The following MYOT variants were observed in gnomAD, a reference collection of about 807,000 sequenced individuals.
MYOT encodes the protein myotilin.
In MYOT, 36 loss-of-function variants were observed where a neutral mutation model predicts 58.0. The ratio of observed to expected loss-of-function variants is 0.62; its 90% CI spans 0.48 to 0.82. The LOEUF (loss-of-function observed/expected upper bound fraction) is 0.82, where lower values mean the gene tolerates loss of function less well. Ranked by LOEUF, MYOT falls within the 40% of genes least tolerant of loss-of-function variation. The pLI is 0.00. For synonymous variants in MYOT, 218 were observed against 204.6 expected (o/e 1.07, Z -0.56); for missense variants, 505 against 592.1 (o/e 0.85, Z 1.53).
At chr5:137,878,484 C>T (rs2149983909) in intron 4 of MYOT, among the ~76,000 whole-genome samples, 1 of 152,250 alleles carries the variant, frequency 6.6e-6, no homozygotes, top group South Asian at 2.1e-4. Flanking sequence ...GCCACCACGC[C>T]TGGCCTCAAC....
intron 4 of MYOT, among the ~76,000 whole-genome samples, chr5:137,878,621 G>A (rs1020520434): frequency 6.6e-6 from 1 of 152,000 alleles, no homozygotes; most frequent in Admixed American, 6.6e-5. Flanking sequence ...TCAAGAGATC[G>A]AGGGGATGCT....
At chr5:137,875,672 T>C (rs1419494788) in intron 2 of MYOT, among the ~76,000 whole-genome samples, 157 bp from the exon 3 acceptor site, 1 of 152,172 alleles carries the variant, frequency 6.6e-6, no homozygotes, top group Non-Finnish European at 1.5e-5. Flanking sequence ...AAAAAGATAG[T>C]AACCATTCTT....
intron 4 of MYOT, among the ~76,000 whole-genome samples, chr5:137,877,984 A>C (rs927352827): frequency 6.6e-6 from 1 of 152,196 alleles, no homozygotes; most frequent in Non-Finnish European, 1.5e-5. Context: ...TTATAAATGA[A>C]AGTAATTATA....
At chr5:137,876,279 G>A (rs1443354187) in intron 3 of MYOT, 5 of 414,544 alleles carry the variant, frequency 1.2e-5, no homozygotes, top group Non-Finnish European at 2.2e-5. Flanking sequence ...TATGTCTGAT[G>A]CCCAAATAGC....
intron 4 of MYOT, chr5:137,880,582 A>G: frequency 2.3e-6 from 1 of 431,144 alleles, no homozygotes; most frequent in East Asian, 4.2e-5. Context: ...AAGTCTAGCT[A>G]ATTTTCATAA....
rs1580869312 is a variant in MYOT at position 137,887,451 on chromosome 5, G to T, written c.*66G>T. ...GTAATATATTTGATTACATTTTTTTGAAATTAATCCATAGCTGTATTAACA... is the reference window on the plus strand; with the variant it reads ...GTAATATATTTGATTACATTTTTTTTAAATTAATCCATAGCTGTATTAACA... On this transcript the variant is annotated 3_prime_UTR_variant, in exon 10 of 10. Coordinates refer to ENST00000239926, the MANE Select transcript of MYOT (RefSeq NM_006790.3). 2 of 1,494,568 alleles carry T rather than the reference G, an allele frequency of 1.3e-6. No individual in the cohort carries two copies. The highest frequency in any genetic ancestry group is 2.0e-4 in the Middle Eastern group (1 of 5,024). 92.6% of individuals were successfully genotyped at this position (1,494,568 alleles called of 1,614,324 possible). A position where few individuals can be genotyped will look rare whatever the true frequency, so the allele number is the denominator to read the frequency against.
In MYOT at chr5:137,875,946, T is replaced by G; in HGVS notation, c.474T>G (p.Ile158Met). The stretch of plus-strand genomic sequence containing the variant: ...TACAAGGATCAAAAGAAGCTTTGAT[T>G]CAAGATTTGGAAAGAAAGCTGAAAT... ...HEIQGSKEALIQDLERKLKCK... is the reference protein window; with the variant it reads ...HEIQGSKEALMQDLERKLKCK... Residue 158 changes from isoleucine to methionine, a missense_variant, in exon 3 of 10, where the codon ATT becomes ATG. Transcript: ENST00000239926. The G allele has an allele frequency of 6.2e-7, 1 of 1,614,038 alleles. No homozygotes were observed. The highest frequency in any genetic ancestry group is 1.3e-5 in the African/African-American group (1 of 75,052).
intron 4 of MYOT, among the ~76,000 whole-genome samples, chr5:137,879,464 C>CATCACTA (rs1410894740): frequency 6.5e-4 from 98 of 149,684 alleles, no homozygotes; most frequent in Admixed American, 1.5e-3. Context: ...GACACAAACT[C>CATCACTA]ATCACTATTA....
At chr5:137,884,013 G>T (rs1402931259) in intron 7 of MYOT, among the ~76,000 whole-genome samples, 2 of 152,114 alleles carry the variant, frequency 1.3e-5, no homozygotes, top group Admixed American at 1.3e-4. Context: ...CAGTATTACA[G>T]AATTATCATA....
At chr5:137,880,386 GT>G (rs1223256295) in intron 4 of MYOT, among the ~76,000 whole-genome samples, 2 of 152,184 alleles carry the variant, frequency 1.3e-5, no homozygotes, top group African/African-American at 4.8e-5. Context: ...GTTTACTGCT[GT>G]TGGTGCCACT....
intron 1 of MYOT, 102 bp downstream of exon 1, chr5:137,868,055 G>A (rs1308419662): frequency 6.6e-6 from 1 of 152,102 alleles, no homozygotes; most frequent in Non-Finnish European, 1.5e-5. Context: ...TAAAAAGTTT[G>A]AAAGCCACAA....
chr5:137,871,132 C>A, intron 2 of MYOT, 125 bp downstream of exon 2: 2 of 809,402 alleles, frequency 2.5e-6, no homozygotes, highest in Non-Finnish European at 4.1e-6. Context: ...TGTGACCTTA[C>A]AGTCTCATTC....
intron 1 of MYOT, among the ~76,000 whole-genome samples, chr5:137,870,217 G>A (rs1331591507): frequency 6.6e-6 from 1 of 151,598 alleles, no homozygotes; most frequent in Non-Finnish European, 1.5e-5. Context: ...GGAGGGTGCA[G>A]TGGAAGGATC....
intron 3 of MYOT, 92 bp from the exon 4 acceptor site, chr5:137,877,428 T>C (rs1300128430): frequency 2.5e-6 from 2 of 801,038 alleles, no homozygotes; most frequent in Non-Finnish European, 4.4e-6. Flanking sequence ...CTATGCTTCT[T>C]TGAAGTTCTG....
intron 2 of MYOT, among the ~76,000 whole-genome samples, chr5:137,873,449 G>A (rs976098175): frequency 2.0e-5 from 3 of 151,644 alleles, no homozygotes; most frequent in Non-Finnish European, 2.9e-5. Flanking sequence ...CATGAGAATC[G>A]CTTAAACCCG....
rs1755610637 is a variant in MYOT at position 137,886,665 on chromosome 5, G to A, written c.1191-199G>A. 5 of 624,484 alleles carry A rather than the reference G, an allele frequency of 8.0e-6. No individual in the cohort carries two copies. The Admixed American group carries it at 1.0e-4, about 13-fold the overall frequency. The allele number at this position is 624,484 out of a possible 1,614,324, so 38.7% of individuals were successfully genotyped here. A position where few individuals can be genotyped will look rare whatever the true frequency, so the allele number is the denominator to read the frequency against. On this transcript the variant is annotated intron_variant, in intron 8 of 9. Transcript: ENST00000239926. The stretch of plus-strand genomic sequence containing the variant: ...CGAGTGAATGACAGGGACCATCAGG[G>A]GACAGATTGAAGAGCAGAGGGAGAC...
rs1011148618 is a variant in MYOT at position 137,875,892 on chromosome 5, G to A, written c.420G>A (p.Lys140=). 11 of 1,613,920 alleles carry A rather than the reference G, an allele frequency of 6.8e-6. No individual in the cohort carries two copies. The highest frequency in any genetic ancestry group is 1.3e-5 in the African/African-American group (1 of 74,904). Residue 140 remains lysine, a synonymous_variant, in exon 3 of 10, where the codon AAG becomes AAA. Transcript: ENST00000239926. The part of the protein sequence containing the change: ...NAKPSQTANA[K]PIPRTPDHEI... ...AGCCATCCCAAACTGCAAATGCTAA[G>A]CCCATACCAAGAACTCCTGATCATG...
chr5:137,877,408 A>G (rs183752968), intron 3 of MYOT, 112 bp from the exon 4 acceptor site: 2 of 686,980 alleles, frequency 2.9e-6, no homozygotes, highest in East Asian at 2.7e-5. Flanking sequence ...CTATCATTCA[A>G]TAGATAGAAC....
intron 2 of MYOT, among the ~76,000 whole-genome samples, chr5:137,872,484 T>C (rs1755081003): frequency 6.6e-6 from 1 of 152,236 alleles, no homozygotes; most frequent in Admixed American, 6.5e-5. Flanking sequence ...AAAAACATAA[T>C]AAGAAATAAA....
Sources: gnomAD v4.1 joint callset for allele counts (sites outside exome capture counted in the v4.1 genomes callset) on GRCh38, gnomAD v4.1.1 for gene constraint, MANE v1.5 for transcripts, NCBI Gene and HGNC (gene_info 2026-07-23, HGNC 2026-07-21) for gene names.